Variants in TGFBR3 observed in about 807,000 individuals in gnomAD.
TGFBR3 encodes the protein transforming growth factor beta receptor type 3.
In TGFBR3, 46 loss-of-function variants were observed where a neutral mutation model predicts 87.9. That is an observed-to-expected ratio of 0.52 (90% CI 0.41 to 0.67). TGFBR3 has a LOEUF of 0.67. TGFBR3 is among the 30% of genes least tolerant of loss of function. The probability of loss-of-function intolerance (pLI) is 0.00; values close to 1 mark genes in which losing one functional copy is unlikely to be tolerated. For synonymous variants in TGFBR3, 381 were observed against 391.6 expected (o/e 0.97, Z 0.32); for missense variants, 866 against 1,041.9 (o/e 0.83, Z 2.32).
chr1:91,848,694 A>G (rs968250130), intron 2 of TGFBR3, among the ~76,000 whole-genome samples: 1 of 152,226 alleles, frequency 6.6e-6, no homozygotes, highest in Admixed American at 6.5e-5. Context: ...CGAAACTGTA[A>G]TTTACAACAC....
chr1:91,886,459 G>A (rs1159669589), upstream of TGFBR3, among the ~76,000 whole-genome samples: 7 of 152,346 alleles, frequency 4.6e-5, no homozygotes, highest in East Asian at 1.4e-3. Flanking sequence ...CCGGGTTGGG[G>A]CGGCCCCTGT....
chr1:91,772,820 C>A (rs751645260), intron 3 of TGFBR3, among the ~76,000 whole-genome samples: 1 of 152,160 alleles, frequency 6.6e-6, no homozygotes, highest in Non-Finnish European at 1.5e-5. Context: ...ATATTAGCAT[C>A]TTCAGTACAC....
intron 3 of TGFBR3, among the ~76,000 whole-genome samples, chr1:91,761,434 G>A (rs1044819616): frequency 5.3e-5 from 8 of 152,066 alleles, no homozygotes; most frequent in Non-Finnish European, 7.4e-5. Context: ...TGGCACACAG[G>A]GTCCAGGCAG....
intron 16 of TGFBR3, among the ~76,000 whole-genome samples, chr1:91,684,330 CT>C (rs1258112661): frequency 6.6e-6 from 1 of 152,224 alleles, no homozygotes; most frequent in Non-Finnish European, 1.5e-5. Context: ...TCTGAATGCA[CT>C]TGTTAAAAAC....
At chr1:91,901,619 A>T (rs1289548237) in intron 1 of TGFBR3, among the ~76,000 whole-genome samples, 1 of 152,180 alleles carries the variant, frequency 6.6e-6, no homozygotes, top group Non-Finnish European at 1.5e-5. Flanking sequence ...TTATGGAAAT[A>T]AACATTAGAA....
upstream of TGFBR3, among the ~76,000 whole-genome samples, chr1:91,887,236 CTTTTTTTTTTTTTT>C (rs71087977): frequency 3.1e-4 from 13 of 41,416 alleles, no homozygotes; most frequent in African/African-American, 1.5e-3. Flanking sequence ...GGACCTATGC[CTTTTTTTTTTTTTT>C]TTTTTTTTTT....
At chr1:91,721,249 C>T (rs1236663831) in intron 8 of TGFBR3, among the ~76,000 whole-genome samples, 3 of 152,178 alleles carry the variant, frequency 2.0e-5, no homozygotes, top group African/African-American at 4.8e-5. Flanking sequence ...AAAACCTTCA[C>T]AACAACCCTG....
chr1:91,726,820 G>C (rs1234983899), intron 7 of TGFBR3, among the ~76,000 whole-genome samples: 1 of 142,846 alleles, frequency 7.0e-6, no homozygotes, highest in African/African-American at 2.6e-5. Context: ...AAAAAAATTT[G>C]AGCCCATAGA....
chr1:91,745,426 G>C (rs976148188), intron 4 of TGFBR3, among the ~76,000 whole-genome samples: 2 of 152,180 alleles, frequency 1.3e-5, no homozygotes, highest in Non-Finnish European at 1.5e-5. Flanking sequence ...AAAGACACAC[G>C]GTAAAGGAGA....
At chr1:91,721,377 C>T (rs1395743180) in intron 8 of TGFBR3, among the ~76,000 whole-genome samples, 1 of 152,212 alleles carries the variant, frequency 6.6e-6, no homozygotes, top group Non-Finnish European at 1.5e-5. Flanking sequence ...ACCTGTACTC[C>T]TAATCCTTAT....
chr1:91,726,697 A>G (rs1210969480), intron 7 of TGFBR3, among the ~76,000 whole-genome samples: 2 of 151,688 alleles, frequency 1.3e-5, no homozygotes, highest in Non-Finnish European at 2.9e-5. Flanking sequence ...ATGAATGAAT[A>G]ATACCAAAAC....
At chr1:91,883,225 C>T (rs1433802261) in intron 1 of TGFBR3, among the ~76,000 whole-genome samples, 1 of 152,120 alleles carries the variant, frequency 6.6e-6, no homozygotes, top group Non-Finnish European at 1.5e-5. Flanking sequence ...AGGCTGGTCT[C>T]GAACTCCTTG....
At chr1:91,820,130 G>A (rs1287690451) in intron 2 of TGFBR3, among the ~76,000 whole-genome samples, 31 of 152,154 alleles carry the variant, frequency 2.0e-4, no homozygotes, top group Admixed American at 2.0e-3. Context: ...ACTTTTCAGA[G>A]GGTGTAGTCA....
intron 1 of TGFBR3, among the ~76,000 whole-genome samples, chr1:91,901,446 A>G (rs1306896594): frequency 6.6e-6 from 1 of 152,224 alleles, no homozygotes; most frequent in Non-Finnish European, 1.5e-5. Flanking sequence ...TAGGCTGATT[A>G]TTTATGTGAT....
intron 3 of TGFBR3, among the ~76,000 whole-genome samples, chr1:91,771,252 C>T (rs1674367525): frequency 6.6e-6 from 1 of 152,142 alleles, no homozygotes; most frequent in Non-Finnish European, 1.5e-5. Flanking sequence ...ATGTGTAAAG[C>T]ACTTTACTCA....
In TGFBR3 at chr1:91,729,929, A is replaced by G. The variant is rs1313080920; in HGVS notation, c.613T>C (p.Ser205Pro). ...PKCNIGKNFL[S>P]LNYLAEYLQP... ...AGGTACTCAGCAAGGTAATTGAGTG[A>G]GAGAAAATTCTTCCCTATGTTGCAC... Residue 205 changes from serine to proline, a missense_variant, in exon 6 of 17, where the codon TCA (serine) becomes CCA (proline). By Grantham distance (74) the Ser-to-Pro change is moderately conservative. Transcript: ENST00000212355. The G allele has an allele frequency of 1.2e-6, 2 of 1,614,076 alleles. No individual in the cohort carries two copies. Among genetic ancestry groups the G allele is most frequent in the Non-Finnish European group, 1.7e-6 (2 of 1,180,040 alleles).
At chr1:91,744,492 A>G (rs1673267011) in intron 4 of TGFBR3, among the ~76,000 whole-genome samples, 1 of 152,176 alleles carries the variant, frequency 6.6e-6, no homozygotes, top group African/African-American at 2.4e-5. Context: ...GCCTCCTCCA[A>G]TTTGACCCTA....
At chr1:91,757,553 T>A (rs1016053438) in intron 4 of TGFBR3, among the ~76,000 whole-genome samples, 1 of 152,238 alleles carries the variant, frequency 6.6e-6, no homozygotes, top group Non-Finnish European at 1.5e-5. Context: ...CAACTTTTAT[T>A]ATGATGGTTG....
chr1:91,741,817 T>C (rs1673169085), intron 4 of TGFBR3, among the ~76,000 whole-genome samples: 1 of 152,172 alleles, frequency 6.6e-6, no homozygotes, highest in African/African-American at 2.4e-5. Context: ...AACCAAACTG[T>C]TGCAGTAACT....
Sources: gnomAD v4.1 joint callset for allele counts (sites outside exome capture counted in the v4.1 genomes callset) on GRCh38, gnomAD v4.1.1 for gene constraint, MANE v1.5 for transcripts, NCBI Gene and HGNC (gene_info 2026-07-23, HGNC 2026-07-21) for gene names.